Variants in PVT1 observed in about 807,000 individuals in gnomAD.
PVT1 encodes Pvt1 oncogene, also known as CXCR4/PVT1 fusion.
intron 3 of PVT1, among the ~76,000 whole-genome samples, chr8:127,923,977 C>T (rs751510574): frequency 2.0e-5 from 3 of 152,206 alleles, no homozygotes; most frequent in Non-Finnish European, 4.4e-5. Context: ...AGGAATTGCT[C>T]GGGGCAGGAG....
chr8:128,047,875 A>G (rs1813639201), intron 4 of PVT1, among the ~76,000 whole-genome samples: 1 of 152,216 alleles, frequency 6.6e-6, no homozygotes, highest in Admixed American at 6.5e-5. Context: ...AATATATACA[A>G]TTTTTATTTG....
chr8:127,914,338 A>G (rs923784728), intron 3 of PVT1, among the ~76,000 whole-genome samples: 3 of 148,962 alleles, frequency 2.0e-5, no homozygotes, highest in African/African-American at 7.4e-5. Flanking sequence ...ATGTAGAGAA[A>G]TTGGAACCCT....
chr8:128,060,373 C>T (rs79051562), intron 4 of PVT1, among the ~76,000 whole-genome samples: 3,944 of 152,282 alleles, frequency 0.026, 145 homozygotes, highest in East Asian at 0.17. Context: ...GGGCCAGACA[C>T]ACAGAGGCAT....
rs71300279 is a variant in PVT1 at position 127,921,854 on chromosome 8, G to GTTTTTTTTTTTTTT, written n.782+30867_782+30880dup. Reference sequence around the variant, plus strand: ...AAAAAAATTATAATTTTTGGTTCATGTTTTTTTTTTTTTTTTTTTTTTTTG... The same window carrying GTTTTTTTTTTTTTT: ...AAAAAAATTATAATTTTTGGTTCATGTTTTTTTTTTTTTTTTTTTTTTTTTTTTTTTTTTTTTTG... On this transcript the variant is annotated intron_variant and non_coding_transcript_variant, in intron 3 of 10. Transcript: ENST00000651587. 2.4e-4 allele frequency among the ~76,000 whole-genome samples: 17 copies of GTTTTTTTTTTTTTT among 71,910 alleles called. 1 individual carries two copies. The highest frequency in any genetic ancestry group is 1.5e-3 in the East Asian group (3 of 1,970). 47.2% of individuals were successfully genotyped at this position (71,910 alleles called of 152,430 possible).
At chr8:127,926,356 G>A (rs779652971) in intron 3 of PVT1, among the ~76,000 whole-genome samples, 28 of 152,260 alleles carry the variant, frequency 1.8e-4, no homozygotes, top group Non-Finnish European at 2.6e-4. Context: ...TCCCTGGACC[G>A]GTACACTCAC....
At chr8:128,005,294 T>C (rs1391279022) in intron 4 of PVT1, among the ~76,000 whole-genome samples, 2 of 152,218 alleles carry the variant, frequency 1.3e-5, no homozygotes, top group African/African-American at 2.4e-5. Context: ...TTAGTGTTAG[T>C]GTATTTTATG....
At chr8:128,015,095 T>TTTA (rs1286472791) in intron 4 of PVT1, among the ~76,000 whole-genome samples, 39 of 121,942 alleles carry the variant, frequency 3.2e-4, no homozygotes, top group African/African-American at 1.0e-3. Context: ...TTATTTATTA[T>TTTA]TTATTTATTT....
intron 3 of PVT1, among the ~76,000 whole-genome samples, chr8:127,932,922 A>G (rs1285624757): frequency 6.6e-6 from 1 of 152,176 alleles, no homozygotes; most frequent in African/African-American, 2.4e-5. Flanking sequence ...AAGGATTGTC[A>G]GGCATTAGGG....
intron 2 of PVT1, among the ~76,000 whole-genome samples, chr8:127,843,286 G>A (rs558048289): frequency 1.6e-4 from 24 of 152,102 alleles, no homozygotes; most frequent in Non-Finnish European, 2.9e-4. Context: ...TGGAGGTTGC[G>A]GTGAGCTGGG....
At chr8:127,937,580 CAGAG>C (rs1554598547) in intron 3 of PVT1, among the ~76,000 whole-genome samples, 2,106 of 107,828 alleles carry the variant, frequency 0.02, 47 homozygotes, top group Non-Finnish European at 0.028. Flanking sequence ...CACACACACA[CAGAG>C]AGAGAGAGAG....
At chr8:128,033,311 ATG>A (rs899803446) in intron 4 of PVT1, among the ~76,000 whole-genome samples, 3 of 147,278 alleles carry the variant, frequency 2.0e-5, no homozygotes, top group Admixed American at 6.6e-5. Context: ...CCTGGTTCCC[ATG>A]TGTGTGTGCA....
chr8:127,984,913 CTT>C (rs372508608), intron 3 of PVT1, among the ~76,000 whole-genome samples: 4,616 of 61,100 alleles, frequency 0.076, 393 homozygotes, highest in Admixed American at 0.18. Flanking sequence ...TTCTTTCTTT[CTT>C]TCTTTCTCTT....
At chr8:127,947,468 A>G (rs1423676302) in intron 3 of PVT1, 18 of 319,412 alleles carry the variant, frequency 5.6e-5, no homozygotes, top group South Asian at 1.7e-4. Context: ...TTTTTTTGGC[A>G]TTCCCTCTGT....
intron 3 of PVT1, among the ~76,000 whole-genome samples, chr8:127,967,787 G>A (rs1213196252): frequency 1.3e-5 from 2 of 152,236 alleles, no homozygotes; most frequent in Non-Finnish European, 2.9e-5. Flanking sequence ...AAGAGCTCAC[G>A]ATGGTCCTGT....
intron 4 of PVT1, among the ~76,000 whole-genome samples, chr8:128,024,439 A>G (rs900895567): frequency 6.6e-6 from 1 of 151,476 alleles, no homozygotes; most frequent in Non-Finnish European, 1.5e-5. Flanking sequence ...CCTGGGCAAC[A>G]TGGTGAGACC....
chr8:128,086,818 T>TC (rs529961695), intron 5 of PVT1, among the ~76,000 whole-genome samples: 7 of 152,210 alleles, frequency 4.6e-5, no homozygotes, highest in Non-Finnish European at 1.0e-4. Flanking sequence ...CAGCATATTG[T>TC]CCCTTGGGCT....
chr8:127,954,181 T>G (rs555984948), intron 3 of PVT1, among the ~76,000 whole-genome samples: 1 of 152,296 alleles, frequency 6.6e-6, no homozygotes, highest in African/African-American at 2.4e-5. Flanking sequence ...AGAATCATTC[T>G]GAGGGATGAC....
At chr8:128,023,967 G>A (rs1296352460) in intron 4 of PVT1, among the ~76,000 whole-genome samples, 1 of 152,156 alleles carries the variant, frequency 6.6e-6, no homozygotes, top group East Asian at 1.9e-4. Flanking sequence ...CTGCGTGGAG[G>A]AATTGCTCTC....
intron 2 of PVT1, among the ~76,000 whole-genome samples, chr8:127,832,347 T>C (rs888239386): frequency 2.0e-5 from 3 of 152,282 alleles, no homozygotes; most frequent in Middle Eastern, 3.4e-3. Context: ...GACCTTCTCT[T>C]CCTTTGAGCC....
Sources: gnomAD v4.1 joint callset for allele counts (sites outside exome capture counted in the v4.1 genomes callset) on GRCh38, gnomAD v4.1.1 for gene constraint, MANE v1.5 for transcripts, NCBI Gene and HGNC (gene_info 2026-07-23, HGNC 2026-07-21) for gene names.